The following MCM7 variants were observed in gnomAD, a reference collection of about 807,000 sequenced individuals.
MCM7 encodes the protein minichromosome maintenance complex component 7, also known as DNA replication licensing factor MCM7.
In MCM7, 95 loss-of-function variants were observed where a neutral mutation model predicts 83.5. The observed-to-expected ratio is 1.14, with a 90% CI of 0.96 to 1.35. The LOEUF (loss-of-function observed/expected upper bound fraction) is 1.35, where lower values mean the gene tolerates loss of function less well. MCM7 is among the 40% of genes most tolerant of loss of function. The pLI is 0.00. For synonymous variants in MCM7, 461 were observed against 352.7 expected (o/e 1.31, Z -3.44); for missense variants, 1,087 against 957.4 (o/e 1.14, Z -1.79).
Position 100,099,023 on chromosome 7 carries a change from C to T in MCM7, c.582G>A (p.Pro194=), listed in dbSNP as rs762248032. 16 of 1,613,952 alleles carry T rather than the reference C, an allele frequency of 9.9e-6. No homozygotes were observed. Among genetic ancestry groups the T allele is most frequent in the East Asian group, 6.7e-5 (3 of 44,898 alleles). The change falls in exon 5 of 15, where the codon CCG becomes CCA. Residue 194 remains proline, a splice_region_variant and synonymous_variant. Transcript: ENST00000303887. ...TTCCTGCTTCTTGCTCCACACGTAC[C>T]GGCTGGTAGGTCTCTGCCCCACACT... ...CDQCGAETYQ[P]IQSPTFMPLI...
chr7:100,099,165 C>A lies in MCM7; in HGVS notation c.440G>T (p.Arg147Leu). The A allele has an allele frequency of 6.2e-7, 1 of 1,614,084 alleles. No homozygotes were observed. The highest frequency in any genetic ancestry group is 1.1e-5 in the South Asian group (1 of 91,086). Residue 147 changes from arginine to leucine, a missense_variant, in exon 5 of 15, where the codon CGT becomes CTT. Coordinates refer to ENST00000303887, the MANE Select transcript of MCM7 (RefSeq NM_005916.5). ...GTCAGCCCGCACTTCCCGGATCACA[C>A]GAGGCTTGTTGCTGCTAGGGCCTTG... ...YFQGPSSNKP[R>L]VIREVRADSV...
In MCM7 at chr7:100,097,724, A is replaced by G; in HGVS notation, c.1007T>C (p.Leu336Pro). ...TATTTCTGGGGCGATTGAAGCTGCC[A>G]GCTTTTCGTAGAAATCCTCCTCTGT... Reference protein sequence around the residue: ...QIAEEDFYEKLAASIAPEIYG... With the variant: ...QIAEEDFYEKPAASIAPEIYG... Residue 336 changes from leucine (L) to proline (P), a missense_variant, in exon 9 of 15, where the codon CTG (leucine) becomes CCG (proline). Leu to Pro is a moderately conservative substitution (Grantham distance 98). Transcript: ENST00000303887. The G allele has an allele frequency of 1.2e-6, 2 of 1,614,220 alleles. No homozygotes were observed. The highest frequency in any genetic ancestry group is 8.5e-7 in the Non-Finnish European group (1 of 1,180,050).
In MCM7 at chr7:100,098,695, C is replaced by T. The variant is rs1369285286; in HGVS notation, c.603G>A (p.Met201Ile). 1.2e-6 allele frequency: 2 copies of T among 1,614,020 alleles called. No homozygotes were observed. Among genetic ancestry groups the T allele is most frequent in the Admixed American group, 3.3e-5 (2 of 59,996 alleles). The part of the protein sequence containing the change: ...TYQPIQSPTF[M>I]PLIMCPSQEC... Reference sequence around the variant, plus strand: ...CCTGGCTTGGGCACATGATCAGAGGCATGAAAGTGGGAGACTGGATCTAGG... The same window carrying T: ...CCTGGCTTGGGCACATGATCAGAGGTATGAAAGTGGGAGACTGGATCTAGG... The change falls in exon 6 of 15, where the codon ATG becomes ATA. Residue 201 changes from methionine (M) to isoleucine (I), a missense_variant. Transcript: ENST00000303887.
chr7:100,098,140 C>T lies in MCM7; in HGVS notation c.870+1G>A, dbSNP rs1278383723. 4.3e-6 allele frequency: 7 copies of T among 1,613,942 alleles called. No individual in the cohort carries two copies. In the South Asian group the frequency reaches 5.5e-5, roughly 13 times the overall value. On this transcript the variant is annotated splice_donor_variant, in intron 7 of 14. Transcript: ENST00000303887. LOFTEE classifies it high-confidence loss of function. ...ATTCCTCATGTCAAACTCTTCCTTA[C>T]CTGTACCACCTGTCGGAACCCAGTG...
In MCM7 at chr7:100,093,279, CT is replaced by C; in HGVS notation, c.1958+12del. 6.2e-7 allele frequency: 1 copy of C among 1,611,508 alleles called. No homozygotes were observed. Among genetic ancestry groups the C allele is most frequent in the Non-Finnish European group, 8.5e-7 (1 of 1,178,710 alleles). On this transcript the variant is annotated intron_variant, in intron 14 of 14. Transcript: ENST00000303887. ...CAAAGTGACACAGCTTTGTCCTTCACTAAACCACTCACCTAGCTGTCTGCCC... is the reference window on the plus strand; with the variant it reads ...CAAAGTGACACAGCTTTGTCCTTCACAAACCACTCACCTAGCTGTCTGCCC...
At chr7:100,095,126 C>G (rs997001878) in intron 12 of MCM7, among the ~76,000 whole-genome samples, 1 of 152,162 alleles carries the variant, frequency 6.6e-6, no homozygotes, top group Admixed American at 6.5e-5. Flanking sequence ...TTGCAGAGAG[C>G]TGAGATCACT....
chr7:100,099,379 C>A lies in MCM7; in HGVS notation c.301G>T (p.Val101Phe). 1 of 1,599,724 alleles carries A rather than the reference C, an allele frequency of 6.3e-7. No individual in the cohort carries two copies. The highest frequency in any genetic ancestry group is 8.5e-7 in the Non-Finnish European group (1 of 1,173,272). ...REVVNKDVLD[V>F]YIEHRLMMEQ... is the part of the protein sequence containing the mutation. Reference sequence around the variant, plus strand: ...ATCATTAGCCGATGCTCAATGTAAACGTCCAGGACATCTTTATTTACCACC... The same window carrying A: ...ATCATTAGCCGATGCTCAATGTAAAAGTCCAGGACATCTTTATTTACCACC... Residue 101 changes from valine (V) to phenylalanine (F), a missense_variant, in exon 4 of 15, where the codon GTT becomes TTT. Val to Phe is a conservative substitution (Grantham distance 50, BLOSUM62 -1). Transcript: ENST00000303887.
In MCM7 at chr7:100,101,263, C is replaced by T; in HGVS notation, c.31+1G>A. The T allele has an allele frequency of 6.2e-7, 1 of 1,613,232 alleles. No homozygotes were observed. The highest frequency in any genetic ancestry group is 8.5e-7 in the Non-Finnish European group (1 of 1,179,892). On this transcript the variant is annotated splice_donor_variant, in intron 1 of 14. Transcript: ENST00000303887. LOFTEE classifies it high-confidence loss of function. ...GCCCTCCCGGGCTCGTAGACCCGTA[C>T]CCTTCTCTAGCGCGTAGTCCTTCAG...
At position 100,097,738 on chromosome 7, in the gene MCM7, A is replaced by T. The variant is rs1450375843; in HGVS notation, c.993T>A (p.Asp331Glu). 1.9e-6 allele frequency: 3 copies of T among 1,614,084 alleles called. No homozygotes were observed. The highest frequency in any genetic ancestry group is 2.5e-6 in the Non-Finnish European group (3 of 1,180,056). Residue 331 changes from aspartate to glutamate, a missense_variant, in exon 9 of 15, where the codon GAT becomes GAA. Asp to Glu is a conservative substitution (Grantham distance 45). Coordinates refer to ENST00000303887, the MANE Select transcript of MCM7 (RefSeq NM_005916.5). ...REELRQIAEE[D>E]FYEKLAASIA... ...TTGAAGCTGCCAGCTTTTCGTAGAA[A>T]TCCTCCTCTGTAGAGAAGTTAAGGT...
At chr7:100,099,889 G>A (rs1342299821) in intron 2 of MCM7, 125 bp downstream of exon 2, 2 of 1,421,528 alleles carry the variant, frequency 1.4e-6, no homozygotes, top group Admixed American at 1.9e-5. Context: ...GCCACACAGA[G>A]CGATACTCGC....
chr7:100,099,966 T>C, intron 2 of MCM7, 48 bp downstream of exon 2: 1 of 1,538,136 alleles, frequency 6.5e-7, no homozygotes, highest in Non-Finnish European at 9.0e-7. Context: ...TGCTTATGGC[T>C]CCTTAAGCAC....
intron 11 of MCM7, 77 bp downstream of exon 11, chr7:100,095,694 TTTG>T (rs754601113): frequency 1.6e-5 from 24 of 1,495,904 alleles, no homozygotes; most frequent in Non-Finnish European, 2.1e-5. Flanking sequence ...GAGCGTGGAA[TTTG>T]TTTTCTGATT....
At chr7:100,098,783 G>A in intron 5 of MCM7, 68 bp from the exon 6 acceptor site, 1 of 1,584,880 alleles carries the variant, frequency 6.3e-7, no homozygotes, top group Non-Finnish European at 8.6e-7. Context: ...TCGGTCCTTT[G>A]AATCACATTT....
At chr7:100,093,769 C>CG (rs766310700) in intron 13 of MCM7, 2 of 611,092 alleles carry the variant, frequency 3.3e-6, no homozygotes, top group South Asian at 2.8e-5. Context: ...GAACGTGTCC[C>CG]GGGGGCTCGG....
chr7:100,095,544 T>A, intron 11 of MCM7, 74 bp from the exon 12 acceptor site: 1 of 1,457,098 alleles, frequency 6.9e-7, no homozygotes, highest in Non-Finnish European at 9.5e-7. Flanking sequence ...TGTCCCTCCT[T>A]TGGCTCTGCC....
At chr7:100,094,083 G>C in intron 13 of MCM7, 90 bp downstream of exon 13, 1 of 1,509,506 alleles carries the variant, frequency 6.6e-7, no homozygotes, top group Non-Finnish European at 9.2e-7. Flanking sequence ...GGGCTGGAGC[G>C]GGAGGTGGGG....
chr7:100,098,209 C>T lies in MCM7; in HGVS notation c.802G>A (p.Gly268Arg). 6.2e-7 allele frequency: 1 copy of T among 1,614,146 alleles called. No individual in the cohort carries two copies. The highest frequency in any genetic ancestry group is 8.5e-7 in the Non-Finnish European group (1 of 1,180,018). The change falls in exon 7 of 15, where the codon GGA (glycine) becomes AGA (arginine). Residue 268 changes from glycine (G) to arginine (R), a missense_variant. Gly to Arg is a moderately radical substitution (Grantham distance 125, BLOSUM62 -2). Coordinates refer to ENST00000303887, the MANE Select transcript of MCM7 (RefSeq NM_005916.5). ...ATACCAGTGACGCTGACGTGGTCTC[C>T]AGGCTGGGCAATCCTTGTGTTCTCT... ...EGENTRIAQP[G>R]DHVSVTGIFL...
chr7:100,100,641 C>A (rs1435826350), intron 1 of MCM7: 9 of 989,990 alleles, frequency 9.1e-6, no homozygotes, highest in Non-Finnish European at 3.6e-6. Context: ...ACACCGCGAT[C>A]CCAGCCCACT....
In MCM7 at chr7:100,095,825, A is replaced by G; in HGVS notation, c.1544T>C (p.Phe515Ser). 1 of 1,607,270 alleles carries G rather than the reference A, an allele frequency of 6.2e-7. No homozygotes were observed. Among genetic ancestry groups the G allele is most frequent in the South Asian group, 1.1e-5 (1 of 90,882 alleles). The change falls in exon 11 of 15, where the codon TTT (phenylalanine) becomes TCT (serine). Residue 515 changes from phenylalanine (F) to serine (S), a missense_variant. Coordinates refer to ENST00000303887, the MANE Select transcript of MCM7 (RefSeq NM_005916.5). Reference protein sequence around the residue: ...IQLPAALLSRFDLLWLIQDRP... With the variant: ...IQLPAALLSRSDLLWLIQDRP... The stretch of plus-strand genomic sequence containing the variant: ...GTCCTGAATCAGCCAGAGGAGGTCA[A>G]ACCGGGAGAGCAGTGCAGCAGGTAG...
Sources: gnomAD v4.1 joint callset for allele counts (sites outside exome capture counted in the v4.1 genomes callset) on GRCh38, gnomAD v4.1.1 for gene constraint, MANE v1.5 for transcripts, NCBI Gene and HGNC (gene_info 2026-07-23, HGNC 2026-07-21) for gene names.